FAM222B: variants seen among roughly 807,000 people sequenced by gnomAD.
FAM222B encodes the protein family with sequence similarity 222 member B.
In FAM222B, 12 loss-of-function variants were observed where a neutral mutation model predicts 38.0. The observed-to-expected ratio is 0.32, with a 90% CI of 0.20 to 0.51. The LOEUF (loss-of-function observed/expected upper bound fraction) is 0.51. FAM222B is among the 20% of genes least tolerant of loss of function. FAM222B has a pLI of 0.97. For missense variants in FAM222B, 716 were observed against 754.2 expected, an observed-to-expected ratio of 0.95 and a Z score of 0.59; for synonymous variants, 329 against 317.2, an observed-to-expected ratio of 1.04 and a Z score of -0.40.
At position 28,758,340 on chromosome 17, in the gene FAM222B, G is replaced by T; in HGVS notation, c.1619C>A (p.Ala540Asp). The change falls in exon 3 of 3, where the codon GCC becomes GAC. Residue 540 changes from alanine (A) to aspartate (D), a missense_variant. By Grantham distance (126) the Ala-to-Asp change is moderately radical. Coordinates refer to ENST00000581407, the MANE Select transcript of FAM222B (RefSeq NM_001077498.3). ...SLAMLSKAHR[A>D]PGNRAPDPTE... ...GGGATCGGGGGCTCGGTTGCCAGGG[G>T]CTCGGTGGGCCTTGCTCAGCATGGC... 2 of 1,612,116 alleles carry T rather than the reference G, an allele frequency of 1.2e-6. No homozygotes were observed. Among genetic ancestry groups the T allele is most frequent in the Non-Finnish European group, 1.7e-6 (2 of 1,179,154 alleles).
intron 1 of FAM222B, among the ~76,000 whole-genome samples, chr17:28,804,072 C>A (rs567651003): frequency 1.1e-4 from 16 of 152,250 alleles, no homozygotes; most frequent in Non-Finnish European, 1.9e-4. Context: ...GATTTTAATT[C>A]TCCATAGCAC....
chr17:28,831,315 G>T (rs920718516), intron 1 of FAM222B, among the ~76,000 whole-genome samples: 1 of 151,856 alleles, frequency 6.6e-6, no homozygotes, highest in African/African-American at 2.4e-5. Context: ...CTGAACCTCT[G>T]TTCTGTTCAT....
intron 2 of FAM222B, among the ~76,000 whole-genome samples, chr17:28,761,118 C>T (rs1233644343): frequency 1.3e-5 from 2 of 152,186 alleles, no homozygotes; most frequent in Admixed American, 6.5e-5. Flanking sequence ...TTGGAGACTG[C>T]GGAAATGCCC....
At chr17:28,830,162 T>G (rs2038614113) in intron 1 of FAM222B, among the ~76,000 whole-genome samples, 2 of 8,680 alleles carry the variant, frequency 2.3e-4, no homozygotes, top group Non-Finnish European at 3.8e-4. Flanking sequence ...TTATACATTC[T>G]TTTTTTTTTT....
intron 1 of FAM222B, among the ~76,000 whole-genome samples, chr17:28,780,579 A>G (rs931281328): frequency 1.3e-5 from 2 of 152,146 alleles, no homozygotes; most frequent in East Asian, 1.9e-4. Context: ...CCATACACTA[A>G]TAAGTATAAA....
At chr17:28,776,717 C>G (rs974677578) in intron 1 of FAM222B, among the ~76,000 whole-genome samples, 1 of 151,946 alleles carries the variant, frequency 6.6e-6, no homozygotes, top group Non-Finnish European at 1.5e-5. Context: ...AGTGGCCTCC[C>G]AAAGTGCTGA....
At chr17:28,805,979 T>C (rs554500808) in intron 1 of FAM222B, among the ~76,000 whole-genome samples, 1 of 152,138 alleles carries the variant, frequency 6.6e-6, no homozygotes, top group Admixed American at 6.6e-5. Context: ...CCATCTCTAC[T>C]AAAAATACAA....
chr17:28,800,012 T>C (rs980378965), intron 1 of FAM222B, among the ~76,000 whole-genome samples: 1 of 151,874 alleles, frequency 6.6e-6, no homozygotes, highest in Non-Finnish European at 1.5e-5. Flanking sequence ...CTGGCATTTC[T>C]CTGGTTGAGC....
intron 1 of FAM222B, among the ~76,000 whole-genome samples, chr17:28,782,440 T>C (rs2036205141): frequency 2.0e-5 from 3 of 152,196 alleles, no homozygotes; most frequent in Admixed American, 2.0e-4. Context: ...AAACTGGAAA[T>C]AATCTAAATG....
At chr17:28,800,736 A>C (rs1012064874) in intron 1 of FAM222B, among the ~76,000 whole-genome samples, 1 of 151,992 alleles carries the variant, frequency 6.6e-6, no homozygotes, top group East Asian at 1.9e-4. Flanking sequence ...CACTAAATAT[A>C]GGCCAAATAT....
chr17:28,854,690 C>T (rs533501999), intron 1 of FAM222B, among the ~76,000 whole-genome samples: 19 of 152,324 alleles, frequency 1.2e-4, no homozygotes, highest in Middle Eastern at 3.4e-3. Context: ...ACAACCATTC[C>T]TCCCTCGATG....
At chr17:28,822,855 A>ATATATG (rs1555585757) in intron 1 of FAM222B, among the ~76,000 whole-genome samples, 7 of 113,418 alleles carry the variant, frequency 6.2e-5, no homozygotes, top group African/African-American at 2.5e-4. Flanking sequence ...ATATATATAT[A>ATATATG]TATATATATA....
At chr17:28,769,489 G>A (rs2035517126) in intron 1 of FAM222B, among the ~76,000 whole-genome samples, 1 of 151,472 alleles carries the variant, frequency 6.6e-6, no homozygotes, top group South Asian at 2.1e-4. Context: ...CCCAAACGGG[G>A]TTTCACCCCA....
chr17:28,833,024 A>AG (rs1381749238), intron 1 of FAM222B, among the ~76,000 whole-genome samples: 3 of 151,006 alleles, frequency 2.0e-5, no homozygotes, highest in African/African-American at 7.3e-5. Flanking sequence ...AAAAAAAAAA[A>AG]AAAAAAAAAG....
At chr17:28,820,142 G>C (rs1474580696) in intron 1 of FAM222B, among the ~76,000 whole-genome samples, 1 of 152,172 alleles carries the variant, frequency 6.6e-6, no homozygotes, top group Non-Finnish European at 1.5e-5. Context: ...TGAGGTGTCA[G>C]GGTAAAGTTC....
At chr17:28,760,980 G>A (rs767847935) in intron 2 of FAM222B, among the ~76,000 whole-genome samples, 3 of 152,234 alleles carry the variant, frequency 2.0e-5, no homozygotes, top group Non-Finnish European at 4.4e-5. Context: ...GGGCAGCAGG[G>A]AGGGAATTGA....
intron 1 of FAM222B, among the ~76,000 whole-genome samples, chr17:28,769,820 G>A (rs530146523): frequency 5.0e-4 from 76 of 152,172 alleles, no homozygotes; most frequent in African/African-American, 1.7e-3. Flanking sequence ...AGCCAAACAC[G>A]CTACCGCTTT....
chr17:28,791,558 GCAAAAAA>G (rs541950464), intron 1 of FAM222B, among the ~76,000 whole-genome samples: 4,799 of 151,110 alleles, frequency 0.032, 117 homozygotes, highest in Middle Eastern at 0.1. Context: ...CCATTGGAAA[GCAAAAAA>G]CAAAAAACAA....
At chr17:28,790,915 T>TTTTTTTTTTTTTTA (rs752443903) in intron 1 of FAM222B, among the ~76,000 whole-genome samples, 4 of 121,088 alleles carry the variant, frequency 3.3e-5, no homozygotes, top group Admixed American at 9.0e-5. Context: ...TTTTTTTTTT[T>TTTTTTTTTTTTTTA]AGAGACAGAA....
Sources: gnomAD v4.1 joint callset for allele counts (sites outside exome capture counted in the v4.1 genomes callset) on GRCh38, gnomAD v4.1.1 for gene constraint, MANE v1.5 for transcripts, NCBI Gene and HGNC (gene_info 2026-07-23, HGNC 2026-07-21) for gene names.